TROAP: variants seen among roughly 807,000 people sequenced by gnomAD.
TROAP encodes tastin.
TROAP carries 62 observed loss-of-function variants against 83.4 expected under a neutral mutation model. That is an observed-to-expected ratio of 0.74 (90% CI 0.61 to 0.92). The LOEUF (loss-of-function observed/expected upper bound fraction) is 0.92, where lower values mean the gene tolerates loss of function less well. Among genes scored for constraint, TROAP ranks in the 40% least tolerant of loss-of-function variants. The probability of loss-of-function intolerance (pLI) is 0.00; values close to 1 mark genes in which losing one functional copy is unlikely to be tolerated. For missense variants in TROAP, 876 were observed against 985.1 expected, an observed-to-expected ratio of 0.89 and a Z score of 1.48; for synonymous variants, 352 against 386.4, an observed-to-expected ratio of 0.91 and a Z score of 1.04.
chr12:49,328,843 G>A, intron 8 of TROAP, 84 bp from the exon 9 acceptor site: 1 of 1,481,260 alleles, frequency 6.8e-7, no homozygotes, highest in Non-Finnish European at 9.0e-7. Flanking sequence ...CATCCTGGGT[G>A]ACAGAGCGAG....
chr12:49,324,093 G>A lies in TROAP; in HGVS notation c.337+56G>A, dbSNP rs141447280. On this transcript the variant is annotated intron_variant, in intron 3 of 14. Coordinates refer to ENST00000257909, the MANE Select transcript of TROAP (RefSeq NM_005480.4). Reference sequence around the variant, plus strand: ...CCATGGCTGAGTAGGGGACTAGGAAGGGTAAAAGTGGGGTTTTGGGGTTTT... The same window carrying A: ...CCATGGCTGAGTAGGGGACTAGGAAAGGTAAAAGTGGGGTTTTGGGGTTTT... 4.4e-5 allele frequency: 71 copies of A among 1,613,260 alleles called. No homozygotes were observed. In the African/African-American group the frequency reaches 7.3e-4, roughly 17 times the overall value.
At position 49,329,401 on chromosome 12, in the gene TROAP, T is replaced by G. The variant is rs1329973235; in HGVS notation, c.1111T>G (p.Trp371Gly). Residue 371 changes from tryptophan to glycine, a missense_variant, in exon 11 of 15, where the codon TGG becomes GGG. Transcript: ENST00000257909. This position sits in a 1 kb window ranked among gnomAD's most constrained non-coding sequence, Gnocchi z 4.5. ...CATCTCACTTCTGTGCCAGGCCCAG[T>G]GGCTGCGTGGTGTCTCCCCTCAGTC... ...PSTPRVQQAQWLRGVSPQSCS... is the reference protein window; with the variant it reads ...PSTPRVQQAQGLRGVSPQSCS... The G allele has an allele frequency of 2.1e-5, 34 of 1,612,900 alleles. No homozygotes were observed. The highest frequency in any genetic ancestry group is 2.9e-5 in the Non-Finnish European group (34 of 1,179,268).
At position 49,329,973 on chromosome 12, in the gene TROAP, C is replaced by T. The variant is rs1321094173; in HGVS notation, c.1281C>T (p.Leu427=). Residue 427 remains leucine (L), a synonymous_variant, in exon 12 of 15, where the codon CTC becomes CTT. Transcript: ENST00000257909. This position sits in a 1 kb window ranked among gnomAD's most constrained non-coding sequence, Gnocchi z 4.5. Reference sequence around the variant, plus strand: ...CCCACTCTAACAGAACCCCCAGCCTCCAGGAGGTGAAGATTCAAGTGAGTC... The same window carrying T: ...CCCACTCTAACAGAACCCCCAGCCTTCAGGAGGTGAAGATTCAAGTGAGTC... ...SGPHSNRTPS[L]QEVKIQRIGI... 6.2e-7 allele frequency: 1 copy of T among 1,614,100 alleles called. No individual in the cohort carries two copies. Among genetic ancestry groups the T allele is most frequent in the South Asian group, 1.1e-5 (1 of 91,084 alleles).
At position 49,323,737 on chromosome 12, in the gene TROAP, G is replaced by T; in HGVS notation, c.129G>T (p.Glu43Asp). The change falls in exon 2 of 15, where the codon GAG becomes GAT. Residue 43 changes from glutamate (E) to aspartate (D), a missense_variant. Transcript: ENST00000257909. ...TTACATCGTGCGCCGTGGACCAGGA[G>T]AACCAAGATCCAAGGGTAAGAGGGG... ...PTVTSCAVDQ[E>D]NQDPRRWVQK... 6.2e-7 allele frequency: 1 copy of T among 1,614,108 alleles called. No homozygotes were observed. The highest frequency in any genetic ancestry group is 8.5e-7 in the Non-Finnish European group (1 of 1,180,028).
At chr12:49,326,854 AAGG>A in intron 7 of TROAP, 134 bp downstream of exon 7, 3 of 986,212 alleles carry the variant, frequency 3.0e-6, no homozygotes, top group Non-Finnish European at 4.4e-6. Flanking sequence ...TCAGAAGGAG[AAGG>A]AGAAGAGACC....
Position 49,330,003 on chromosome 12 carries a change from T to C in TROAP, c.1299+12T>C, listed in dbSNP as rs1943554362. On this transcript the variant is annotated intron_variant, in intron 12 of 14. Transcript: ENST00000257909. ...AGGTGAAGATTCAAGTGAGTCTGTGTGGCCAACAGCTTTGATGTCTATTGA... is the reference window on the plus strand; with the variant it reads ...AGGTGAAGATTCAAGTGAGTCTGTGCGGCCAACAGCTTTGATGTCTATTGA... The C allele has an allele frequency of 6.2e-7, 1 of 1,613,818 alleles. No individual in the cohort carries two copies. Among genetic ancestry groups the C allele is most frequent in the Non-Finnish European group, 8.5e-7 (1 of 1,179,804 alleles).
At chr12:49,327,748 AAAAT>A (rs1349009985) in intron 8 of TROAP, among the ~76,000 whole-genome samples, 1 of 152,180 alleles carries the variant, frequency 6.6e-6, no homozygotes, top group Non-Finnish European at 1.5e-5. Context: ...ACACAGGTAT[AAAAT>A]AAATAGTGTC....
rs367827939 is a variant in TROAP, at chr12:49,330,486, C to T, written c.1641C>T (p.Pro547=). ...AGGAACAGCTTGAAGTACCAGAGCC[C>T]TACCCTCCAGCAGAACCCAGGCCCC... is the stretch of plus-strand genomic sequence containing the variant. ...SLQEQLEVPE[P]YPPAEPRPLE... The change falls in exon 13 of 15, where the codon CCC becomes CCT. Residue 547 remains proline, a synonymous_variant. Coordinates refer to ENST00000257909, the MANE Select transcript of TROAP (RefSeq NM_005480.4). 1.9e-6 allele frequency: 3 copies of T among 1,613,696 alleles called. No homozygotes were observed. The highest frequency in any genetic ancestry group is 2.5e-6 in the Non-Finnish European group (3 of 1,179,726).
In TROAP at chr12:49,326,090, ACCTT is replaced by A. The variant is rs1245448151; in HGVS notation, c.653_656del (p.Ser218PhefsTer12). ...CTGTGGATCAGATTTCACCTTCAGG[ACCTT>A]CCTTTCACCCTTCCACTCGCCCCAG... On this transcript the variant is annotated frameshift_variant, in exon 6 of 15. Coordinates refer to ENST00000257909, the MANE Select transcript of TROAP (RefSeq NM_005480.4). LOFTEE classifies it high-confidence loss of function. 6.2e-7 allele frequency: 1 copy of A among 1,613,622 alleles called. No homozygotes were observed. Among genetic ancestry groups the A allele is most frequent in the African/African-American group, 1.3e-5 (1 of 74,858 alleles).
At chr12:49,324,149 T>G (rs1943455419) in intron 3 of TROAP, 112 bp downstream of exon 3, 1 of 1,614,000 alleles carries the variant, frequency 6.2e-7, no homozygotes, top group Non-Finnish European at 8.5e-7. Context: ...CTACTTACTG[T>G]GATAGTCCTG....
intron 8 of TROAP, among the ~76,000 whole-genome samples, chr12:49,327,815 C>G (rs965934810): frequency 6.6e-6 from 1 of 151,986 alleles, no homozygotes; most frequent in Non-Finnish European, 1.5e-5. Context: ...TAATAAGGCA[C>G]TAAAGGAGAA....
At chr12:49,326,265 C>A in intron 6 of TROAP, 107 bp downstream of exon 6, 1 of 1,129,630 alleles carries the variant, frequency 8.9e-7, no homozygotes, top group Non-Finnish European at 1.3e-6. Flanking sequence ...TAGGACTCCC[C>A]ACCAACTCAG....
rs763237308 is a variant in TROAP at position 49,328,985 on chromosome 12, G to A, written c.950G>A (p.Gly317Asp). The stretch of plus-strand genomic sequence containing the variant: ...GCCCCTGTGGCCCAGCCCTTGCCTG[G>A]CCATGTGGTGCCATGTCCATCACCC... ...SPAPVAQPLP[G>D]HVVPCPSPFG... The change falls in exon 9 of 15, where the codon GGC (glycine) becomes GAC (aspartate). Residue 317 changes from glycine (G) to aspartate (D), a missense_variant. Transcript: ENST00000257909. 1.2e-6 allele frequency: 2 copies of A among 1,609,314 alleles called. No individual in the cohort carries two copies. Among genetic ancestry groups the A allele is most frequent in the East Asian group, 2.2e-5 (1 of 44,814 alleles).
At chr12:49,326,815 A>T in intron 7 of TROAP, 95 bp downstream of exon 7, 1 of 1,395,130 alleles carries the variant, frequency 7.2e-7, no homozygotes, top group Non-Finnish European at 9.8e-7. Flanking sequence ...GGGAGGGAGC[A>T]TGAGGAAGTG....
At position 49,323,329 on chromosome 12, in the gene TROAP, G is replaced by T; in HGVS notation, c.-26G>T. 1 of 408,604 alleles carries T rather than the reference G, an allele frequency of 2.4e-6. No homozygotes were observed. Among genetic ancestry groups the T allele is most frequent in the East Asian group, 4.1e-5 (1 of 24,132 alleles). The allele number at this position is 408,604 out of a possible 1,614,324, so 25.3% of individuals were successfully genotyped here. On this transcript the variant is annotated 5_prime_UTR_variant, in exon 1 of 15. Coordinates refer to ENST00000257909, the MANE Select transcript of TROAP (RefSeq NM_005480.4). ...GAGAAAAGCGGAGGAAGCTGGGTAG[G>T]CCCTGAGGGGCCTCGGTAAGGTAAG... is the stretch of plus-strand genomic sequence containing the variant.
intron 8 of TROAP, among the ~76,000 whole-genome samples, 164 bp downstream of exon 8, chr12:49,327,494 A>G (rs1943519072): frequency 6.6e-6 from 1 of 152,142 alleles, no homozygotes; most frequent in Admixed American, 6.5e-5. Context: ...TCCCTCTCCA[A>G]TGTGAGACTG....
In TROAP at chr12:49,323,626, C is replaced by T. The variant is rs776852926; in HGVS notation, c.18C>T (p.Ala6=). The stretch of plus-strand genomic sequence containing the variant: ...TAGCCATCATGACCACCCGGCAAGC[C>T]ACGAAGGATCCCCTCCTCCGGGGTG... MTTRQ[A]TKDPLLRGVS... Residue 6 remains alanine (A), a synonymous_variant, in exon 2 of 15, where the codon GCC becomes GCT. Coordinates refer to ENST00000257909, the MANE Select transcript of TROAP (RefSeq NM_005480.4). 6.2e-7 allele frequency: 1 copy of T among 1,613,972 alleles called. No individual in the cohort carries two copies. Among genetic ancestry groups the T allele is most frequent in the South Asian group, 1.1e-5 (1 of 91,074 alleles).
rs575406412 is a variant in TROAP at position 49,325,749 on chromosome 12, T to C, written c.498T>C (p.Gly166=). ...SQGGTTQRVQ[G]VRASAYLAPR... ...GACAGCCTCTGTTGGTGTCCCAGGG[T>C]GTTCGGGCCTCTGCATATTTGGCCC... Residue 166 remains glycine (G), a splice_region_variant and synonymous_variant, in exon 5 of 15, where the codon GGT becomes GGC. Transcript: ENST00000257909. The C allele has an allele frequency of 1.9e-6, 3 of 1,613,484 alleles. No individual in the cohort carries two copies. Among genetic ancestry groups the C allele is most frequent in the Non-Finnish European group, 1.7e-6 (2 of 1,179,758 alleles).
At chr12:49,324,195 A>T (rs1044851960) in intron 3 of TROAP, 158 bp downstream of exon 3, 10 of 1,613,934 alleles carry the variant, frequency 6.2e-6, no homozygotes, top group Non-Finnish European at 7.6e-6. Context: ...CTCTTAGAAG[A>T]TCTCCCTTTC....
Sources: allele counts gnomAD v4.1 joint callset (sites outside exome capture counted in the v4.1 genomes callset), GRCh38; gene constraint gnomAD v4.1.1; non-coding constraint Gnocchi (gnomAD v3.1); transcripts MANE v1.5; gene names NCBI Gene and HGNC (gene_info 2026-07-23, HGNC 2026-07-21).